ANGPTL5: variants seen among roughly 807,000 people sequenced by gnomAD.
ANGPTL5 encodes the protein angiopoietin like 5, also known as angiopoietin-related protein 5.
Under a neutral mutation model 39.4 loss-of-function variants are expected in ANGPTL5, and 34 were observed. That is an observed-to-expected ratio of 0.86 (90% CI 0.66 to 1.15). The LOEUF (loss-of-function observed/expected upper bound fraction) is 1.15, where lower values mean the gene tolerates loss of function less well. ANGPTL5 is among the 50% of genes most tolerant of loss of function. The probability of loss-of-function intolerance (pLI) is 0.00; values close to 1 mark genes in which losing one functional copy is unlikely to be tolerated. For synonymous variants in ANGPTL5, 146 were observed against 152.1 expected (o/e 0.96, Z 0.29); for missense variants, 467 against 457.5 (o/e 1.02, Z -0.19).
rs370460099 is a variant in ANGPTL5, at chr11:101,905,851, A to G, written c.242-4T>C. On this transcript the variant is annotated splice_region_variant and splice_polypyrimidine_tract_variant and intron_variant, in intron 3 of 8. Coordinates refer to ENST00000334289, the MANE Select transcript of ANGPTL5 (RefSeq NM_178127.5). ...ACAATAGAATTTTGCAAATTTCCTTAACCATAATAAAAAGTGGCTGTTAAA... is the reference window on the plus strand; with the variant it reads ...ACAATAGAATTTTGCAAATTTCCTTGACCATAATAAAAAGTGGCTGTTAAA... The G allele has an allele frequency of 6.6e-7, 1 of 1,518,132 alleles. No individual in the cohort carries two copies. The highest frequency in any genetic ancestry group is 2.3e-5 in the East Asian group (1 of 44,238). 94.0% of individuals were successfully genotyped at this position (1,518,132 alleles called of 1,614,324 possible). A position where few individuals can be genotyped will look rare whatever the true frequency, so the allele number is the denominator to read the frequency against.
chr11:101,905,857 A>G lies in ANGPTL5; in HGVS notation c.242-10T>C. On this transcript the variant is annotated splice_polypyrimidine_tract_variant and intron_variant, in intron 3 of 8. Transcript: ENST00000334289. ...GAATTTTGCAAATTTCCTTAACCAT[A>G]ATAAAAAGTGGCTGTTAAATATTAT... The G allele has an allele frequency of 7.0e-7, 1 of 1,428,446 alleles. No homozygotes were observed. Among genetic ancestry groups the G allele is most frequent in the African/African-American group, 1.4e-5 (1 of 71,350 alleles). 88.5% of individuals were successfully genotyped at this position (1,428,446 alleles called of 1,614,324 possible).
intron 8 of ANGPTL5, among the ~76,000 whole-genome samples, chr11:101,894,077 T>G (rs1939749691): frequency 6.6e-6 from 1 of 152,222 alleles, no homozygotes; most frequent in South Asian, 2.1e-4. Flanking sequence ...CCATGAATAT[T>G]TTTTGGGTGC....
chr11:101,899,289 A>G (rs1276555231), intron 7 of ANGPTL5, among the ~76,000 whole-genome samples: 1 of 152,168 alleles, frequency 6.6e-6, no homozygotes, highest in African/African-American at 2.4e-5. Context: ...TTATAGAGAC[A>G]TGGTTTCAAC....
chr11:101,903,194 C>T (rs1243880292), intron 5 of ANGPTL5, among the ~76,000 whole-genome samples: 1 of 152,058 alleles, frequency 6.6e-6, no homozygotes. Flanking sequence ...GTGTTTGGGA[C>T]CACTAATACA....
chr11:101,907,697 T>G (rs1357543910), intron 2 of ANGPTL5, 117 bp downstream of exon 2: 5 of 730,154 alleles, frequency 6.8e-6, no homozygotes, highest in Non-Finnish European at 1.1e-5. Context: ...AAATACATGT[T>G]TTAATTGTTC....
intron 4 of ANGPTL5, 100 bp downstream of exon 4, chr11:101,905,644 A>G: frequency 1.2e-6 from 1 of 812,576 alleles, no homozygotes; most frequent in Non-Finnish European, 2.0e-6. Context: ...CGCTAAATAG[A>G]TGTCTGAACA....
chr11:101,898,630 C>A (rs1939840835), intron 7 of ANGPTL5, among the ~76,000 whole-genome samples: 1 of 152,176 alleles, frequency 6.6e-6, no homozygotes, highest in Admixed American at 6.6e-5. Flanking sequence ...ATTGAATACC[C>A]TTTATTTATT....
rs1381221743 is a variant in ANGPTL5, at chr11:101,895,002, T to G, written c.724A>C (p.Met242Leu). The change falls in exon 8 of 9, where the codon ATG becomes CTG. Residue 242 changes from methionine (M) to leucine (L), a missense_variant. Coordinates refer to ENST00000334289, the MANE Select transcript of ANGPTL5 (RefSeq NM_178127.5). ...TCAGATTCCAAAGCCACATACAGCA[T>G]AAAACTGGTATTTTTCTGATTTACT... is the stretch of plus-strand genomic sequence containing the variant. ...YIVNQKNTSF[M>L]LYVALESEDD... The G allele has an allele frequency of 4.3e-6, 7 of 1,609,730 alleles. No homozygotes were observed. The highest frequency in any genetic ancestry group is 5.9e-6 in the Non-Finnish European group (7 of 1,177,290).
At chr11:101,910,444 T>C (rs1163710131) in intron 1 of ANGPTL5, among the ~76,000 whole-genome samples, 2 of 148,082 alleles carry the variant, frequency 1.4e-5, no homozygotes, top group Admixed American at 6.8e-5. Context: ...TATATATATA[T>C]ATTCAAATTA....
chr11:101,907,098 C>A lies in ANGPTL5; in HGVS notation c.241+5G>T. 6.5e-7 allele frequency: 1 copy of A among 1,548,988 alleles called. No homozygotes were observed. On this transcript the variant is annotated splice_donor_5th_base_variant and intron_variant, in intron 3 of 8. Coordinates refer to ENST00000334289, the MANE Select transcript of ANGPTL5 (RefSeq NM_178127.5). The stretch of plus-strand genomic sequence containing the variant: ...CTTATTATTTTGTTTATTTTTAATA[C>A]TTACTACACATGAAATGTTTTTCTT...
intron 7 of ANGPTL5, among the ~76,000 whole-genome samples, chr11:101,897,508 A>T (rs1018172862): frequency 3.3e-5 from 5 of 152,150 alleles, no homozygotes; most frequent in African/African-American, 1.2e-4. Context: ...TTAAATCTTT[A>T]ATCTATCTTG....
At chr11:101,894,793 G>T in intron 8 of ANGPTL5, 86 bp downstream of exon 8, 1 of 1,275,356 alleles carries the variant, frequency 7.8e-7, no homozygotes, top group Non-Finnish European at 1.1e-6. Flanking sequence ...TATATACAAA[G>T]ACAAATGCAT....
intron 7 of ANGPTL5, among the ~76,000 whole-genome samples, chr11:101,896,683 A>C (rs1297178679): frequency 6.6e-6 from 1 of 152,160 alleles, no homozygotes; most frequent in Non-Finnish European, 1.5e-5. Flanking sequence ...AAAGGACATG[A>C]ACTCATTCTT....
chr11:101,891,363 G>GC lies in ANGPTL5; in HGVS notation c.1082dup (p.Thr362HisfsTer12), dbSNP rs1299699435. 3.1e-6 allele frequency: 5 copies of GC among 1,613,842 alleles called. No homozygotes were observed. The Admixed American group carries it at 8.3e-5, about 27-fold the overall frequency. The stretch of plus-strand genomic sequence containing the variant: ...CAGGTGAGTTGTTTTTGGTCCACGT[G>GC]CCCCATTGAATTCCAGTTGCAAGCA... On this transcript the variant is annotated frameshift_variant, in exon 9 of 9. Coordinates refer to ENST00000334289, the MANE Select transcript of ANGPTL5 (RefSeq NM_178127.5). LOFTEE classifies it high-confidence loss of function.
chr11:101,897,973 C>G lies in ANGPTL5; in HGVS notation c.661+2457G>C, dbSNP rs190744091. ...GCACAGTGGCTCATGTCTGTAATCC[C>G]AGCACTTTGGGAGGCCGAGGCAGGT... On this transcript the variant is annotated intron_variant, in intron 7 of 8. Transcript: ENST00000334289. Among the ~76,000 whole-genome samples, 819 of 152,198 alleles carry G rather than the reference C, an allele frequency of 5.4e-3. 1 individual carries two copies. The highest frequency in any genetic ancestry group is 7.8e-3 in the Non-Finnish European group (532 of 68,016).
chr11:101,904,271 C>A (rs1046534936), intron 5 of ANGPTL5, among the ~76,000 whole-genome samples: 1 of 152,064 alleles, frequency 6.6e-6, no homozygotes, highest in African/African-American at 2.4e-5. Flanking sequence ...TTGCTTTAAA[C>A]ATTTGGGGAT....
chr11:101,907,936 T>C lies in ANGPTL5; in HGVS notation c.-27A>G. The stretch of plus-strand genomic sequence containing the variant: ...TTTTTCTTGGATAGATGAAAACACT[T>C]CTTCAAATATCAGTCAGCTCTTTGT... On this transcript the variant is annotated 5_prime_UTR_variant, in exon 2 of 9. Coordinates refer to ENST00000334289, the MANE Select transcript of ANGPTL5 (RefSeq NM_178127.5). 6.9e-7 allele frequency: 1 copy of C among 1,441,738 alleles called. No homozygotes were observed. The highest frequency in any genetic ancestry group is 9.8e-7 in the Non-Finnish European group (1 of 1,025,026). The allele number at this position is 1,441,738 out of a possible 1,614,324, so 89.3% of individuals were successfully genotyped here.
intron 7 of ANGPTL5, among the ~76,000 whole-genome samples, chr11:101,896,570 T>G (rs371889383): frequency 1.7e-3 from 256 of 152,290 alleles, no homozygotes; most frequent in African/African-American, 5.7e-3. Flanking sequence ...TGTGTTCTCA[T>G]TGTTCAACTC....
intron 1 of ANGPTL5, chr11:101,915,388 G>T: frequency 1.2e-6 from 2 of 1,613,500 alleles, no homozygotes; most frequent in Non-Finnish European, 1.7e-6. Flanking sequence ...GAGAGCGGCG[G>T]GCATCACCGA....
Sources: gnomAD v4.1 joint callset for allele counts (sites outside exome capture counted in the v4.1 genomes callset) on GRCh38, gnomAD v4.1.1 for gene constraint, MANE v1.5 for transcripts, NCBI Gene and HGNC (gene_info 2026-07-23, HGNC 2026-07-21) for gene names.